Variants in CADM2 observed in about 807,000 individuals in gnomAD.
CADM2 encodes the protein immunoglobulin superfamily member 4D.
Under a neutral mutation model 49.8 loss-of-function variants are expected in CADM2, and 12 were observed. The ratio of observed to expected loss-of-function variants is 0.24; its 90% CI spans 0.15 to 0.39. The LOEUF (loss-of-function observed/expected upper bound fraction) is 0.39. CADM2 is among the 10% of genes least tolerant of loss of function. The probability of loss-of-function intolerance (pLI) is 1.00; values close to 1 mark genes in which losing one functional copy is unlikely to be tolerated. For synonymous variants in CADM2, 214 were observed against 175.4 expected (o/e 1.22, Z -1.74); for missense variants, 378 against 492.3 (o/e 0.77, Z 2.20).
intron 1 of CADM2, among the ~76,000 whole-genome samples, chr3:85,301,487 C>T (rs996662437): frequency 2.0e-5 from 3 of 151,772 alleles, no homozygotes; most frequent in African/African-American, 7.3e-5. Context: ...AATTTGTCTG[C>T]GGTGTATGTG....
chr3:85,030,833 A>G (rs2034943780), intron 1 of CADM2, among the ~76,000 whole-genome samples: 2 of 152,050 alleles, frequency 1.3e-5, no homozygotes, highest in Non-Finnish European at 2.9e-5. Context: ...AGAAACTCCT[A>G]CCCTAAAAAA....
intron 1 of CADM2, among the ~76,000 whole-genome samples, chr3:85,547,917 C>G (rs1196680007): frequency 6.6e-6 from 1 of 152,084 alleles, no homozygotes; most frequent in Non-Finnish European, 1.5e-5. Flanking sequence ...AACCACTACC[C>G]CATGCCATTC....
At position 85,294,632 on chromosome 3, in the gene CADM2, G is replaced by A. The variant is rs201265041; in HGVS notation, c.61+334964G>A. On this transcript the variant is annotated intron_variant, in intron 1 of 9. Transcript: ENST00000383699. ...ACAGAACAGAGCCCTCAGAAATAAC[G>A]CTGCATATCTACAACTATCTGATCT... 1.9e-4 allele frequency among the ~76,000 whole-genome samples: 29 copies of A among 151,738 alleles called. No homozygotes were observed. The East Asian group carries it at 4.6e-3, about 24-fold the overall frequency.
intron 1 of CADM2, among the ~76,000 whole-genome samples, chr3:85,079,410 A>G (rs571409396): frequency 6.6e-6 from 1 of 151,984 alleles, no homozygotes; most frequent in East Asian, 1.9e-4. Context: ...GACTAAAGGA[A>G]TGTGCGTTCC....
chr3:85,233,454 A>G (rs542568689), intron 1 of CADM2, among the ~76,000 whole-genome samples: 1 of 152,272 alleles, frequency 6.6e-6, no homozygotes, highest in Non-Finnish European at 1.5e-5. Flanking sequence ...GCAAAATGTT[A>G]ATAAGGGAAA....
intron 1 of CADM2, among the ~76,000 whole-genome samples, chr3:85,045,202 A>T (rs1046499027): frequency 6.6e-6 from 1 of 152,174 alleles, no homozygotes; most frequent in African/African-American, 2.4e-5. Flanking sequence ...CCTGAAGCTG[A>T]ATATGCTATT....
intron 1 of CADM2, among the ~76,000 whole-genome samples, chr3:85,566,316 A>G (rs1368133893): frequency 6.6e-6 from 1 of 152,128 alleles, no homozygotes; most frequent in Non-Finnish European, 1.5e-5. Flanking sequence ...TCATAATAAT[A>G]TGGTACTTTA....
intron 3 of CADM2, among the ~76,000 whole-genome samples, chr3:85,867,716 C>T (rs2075776528): frequency 6.6e-6 from 1 of 151,924 alleles, no homozygotes; most frequent in South Asian, 2.1e-4. Context: ...TTAAATTATG[C>T]TTATTTTATG....
chr3:85,665,227 T>G (rs11925916), intron 1 of CADM2, among the ~76,000 whole-genome samples: 58,242 of 151,742 alleles, frequency 0.38, 12,285 homozygotes, highest in East Asian at 0.54. Context: ...TTTATCATAT[T>G]TGGAATGGTG....
chr3:85,521,094 T>C (rs1414571702), intron 1 of CADM2, among the ~76,000 whole-genome samples: 3 of 152,106 alleles, frequency 2.0e-5, no homozygotes, highest in Admixed American at 1.3e-4. Flanking sequence ...TCTTAATTCG[T>C]CTTCAGCAAA....
At chr3:85,362,684 G>A (rs1256957907) in intron 1 of CADM2, among the ~76,000 whole-genome samples, 2 of 152,060 alleles carry the variant, frequency 1.3e-5, no homozygotes, top group African/African-American at 2.4e-5. Flanking sequence ...GTTTCAACTT[G>A]TGCTCCCATT....
At chr3:85,857,334 T>A (rs148580882) in intron 3 of CADM2, among the ~76,000 whole-genome samples, 140 of 152,270 alleles carry the variant, frequency 9.2e-4, no homozygotes, top group African/African-American at 3.2e-3. Context: ...AGGGACCACA[T>A]GCCAGGGAGT....
At chr3:85,400,706 G>A (rs544027393) in intron 1 of CADM2, among the ~76,000 whole-genome samples, 188 of 37,686 alleles carry the variant, frequency 5.0e-3, no homozygotes, top group Admixed American at 0.02. Context: ...GAATGTATCA[G>A]TTTCTTCTAG....
chr3:85,577,499 C>T (rs1045048332), intron 1 of CADM2, among the ~76,000 whole-genome samples: 1 of 152,160 alleles, frequency 6.6e-6, no homozygotes, highest in African/African-American at 2.4e-5. Flanking sequence ...ATGCAGCCCC[C>T]TCAACCTTGG....
At chr3:85,054,929 T>G (rs2107420279) in intron 1 of CADM2, among the ~76,000 whole-genome samples, 1 of 152,058 alleles carries the variant, frequency 6.6e-6, no homozygotes, top group Non-Finnish European at 1.5e-5. Context: ...GCTTTGCTGC[T>G]GTGAAAAATG....
At chr3:85,319,791 A>T (rs1435842467) in intron 1 of CADM2, among the ~76,000 whole-genome samples, 2 of 152,138 alleles carry the variant, frequency 1.3e-5, no homozygotes, top group East Asian at 1.9e-4. Context: ...GGGGGACAGG[A>T]GGAAGAGGAT....
Position 86,072,533 on chromosome 3 carries a change from A to G in CADM2, c.*5750A>G, listed in dbSNP as rs1167790615. The G allele has an allele frequency of 6.6e-6, 1 of 152,082 alleles. No individual in the cohort carries two copies. 9.4% of individuals were successfully genotyped at this position (152,082 alleles called of 1,614,324 possible). A position where few individuals can be genotyped will look rare whatever the true frequency, so the allele number is the denominator to read the frequency against. On this transcript the variant is annotated 3_prime_UTR_variant, in exon 10 of 10. Transcript: ENST00000383699. Reference sequence around the variant, plus strand: ...AAAAACCTACCAGGGCTCAGCACTTAAGCACTTTTCCCACATCCAGGGTCA... The same window carrying G: ...AAAAACCTACCAGGGCTCAGCACTTGAGCACTTTTCCCACATCCAGGGTCA...
At chr3:85,151,819 C>T (rs2039931209) in intron 1 of CADM2, among the ~76,000 whole-genome samples, 2 of 152,120 alleles carry the variant, frequency 1.3e-5, no homozygotes. Flanking sequence ...TCTTGCTGTT[C>T]TTCACAGCAG....
intron 2 of CADM2, among the ~76,000 whole-genome samples, chr3:85,727,381 A>C (rs1375532817): frequency 6.6e-6 from 1 of 152,150 alleles, no homozygotes; most frequent in African/African-American, 2.4e-5. Context: ...AGCCTTTATC[A>C]TACAACTAAT....
Sources: gnomAD v4.1 joint callset for allele counts (sites outside exome capture counted in the v4.1 genomes callset) on GRCh38, gnomAD v4.1.1 for gene constraint, MANE v1.5 for transcripts, NCBI Gene and HGNC (gene_info 2026-07-23, HGNC 2026-07-21) for gene names.